The following ACTG2 variants were observed in gnomAD, a reference collection of about 807,000 sequenced individuals.
ACTG2 encodes actin gamma 2, smooth muscle, also known as actin, gamma-enteric smooth muscle.
ACTG2 carries 16 observed loss-of-function variants against 37.6 expected under a neutral mutation model. The observed-to-expected ratio is 0.43, with a 90% CI of 0.29 to 0.65. ACTG2 has a LOEUF of 0.65. Ranked by LOEUF, ACTG2 falls within the 30% of genes least tolerant of loss-of-function variation. ACTG2 has a pLI of 0.18. For missense variants in ACTG2, 238 were observed against 490.9 expected (o/e 0.48, Z 4.87); for synonymous variants, 181 against 179.9 (o/e 1.01, Z -0.05).
At chr2:73,895,782 A>G (rs1679733807) in intron 1 of ACTG2, among the ~76,000 whole-genome samples, 1 of 152,226 alleles carries the variant, frequency 6.6e-6, no homozygotes, top group African/African-American at 2.4e-5. Context: ...AGAGATTAAT[A>G]AGAATCATTA....
intron 3 of ACTG2, among the ~76,000 whole-genome samples, chr2:73,906,829 GT>G (rs1680027893): frequency 1.3e-5 from 2 of 152,200 alleles, no homozygotes; most frequent in South Asian, 4.2e-4. Flanking sequence ...AACTTTTAAG[GT>G]ATAAAAACTC....
At chr2:73,894,808 G>A (rs1486713629) in intron 1 of ACTG2, among the ~76,000 whole-genome samples, 2 of 151,958 alleles carry the variant, frequency 1.3e-5, no homozygotes, top group African/African-American at 4.8e-5. Flanking sequence ...TAGATAGCAA[G>A]GCAGGAATCA....
chr2:73,914,643 C>G, intron 6 of ACTG2, 37 bp from the exon 7 acceptor site: 1 of 1,469,574 alleles, frequency 6.8e-7, no homozygotes, highest in Non-Finnish European at 9.1e-7. Flanking sequence ...ACTATCAGAG[C>G]TCAGTATTCA....
chr2:73,895,262 G>A (rs1008260009), intron 1 of ACTG2, among the ~76,000 whole-genome samples: 1 of 152,144 alleles, frequency 6.6e-6, no homozygotes, highest in African/African-American at 2.4e-5. Context: ...GTCTGGACAG[G>A]AGCAGAGCCA....
chr2:73,894,717 G>T (rs1015827362), intron 1 of ACTG2, among the ~76,000 whole-genome samples: 12 of 66,350 alleles, frequency 1.8e-4, no homozygotes, highest in Middle Eastern at 7.2e-3. Flanking sequence ...GCTTGGTCCT[G>T]AAGTAAGGAC....
At chr2:73,905,858 A>G (rs973962416) in intron 3 of ACTG2, among the ~76,000 whole-genome samples, 3 of 152,136 alleles carry the variant, frequency 2.0e-5, no homozygotes, top group Non-Finnish European at 4.4e-5. Context: ...ACCAAAAATC[A>G]AAGACACCAT....
chr2:73,904,783 A>G (rs1298821783), intron 3 of ACTG2, among the ~76,000 whole-genome samples: 1,361 of 20,062 alleles, frequency 0.068, 14 homozygotes, highest in African/African-American at 0.17. Flanking sequence ...GTGTGTATAT[A>G]TATATATATA....
intron 4 of ACTG2, 28 bp from the exon 5 acceptor site, chr2:73,909,027 A>G: frequency 6.2e-7 from 1 of 1,606,904 alleles, no homozygotes; most frequent in Non-Finnish European, 8.5e-7. Context: ...TTTGCCAAAT[A>G]ATCTTTTATT....
Position 73,902,957 on chromosome 2 carries a change from G to A in ACTG2, c.255+469G>A, listed in dbSNP as rs1196890943. ...AAAATGCTGGTGCTGGCTCAAGAGA[G>A]GCAAACAGCCATCTCTCTCATTCTT... On this transcript the variant is annotated intron_variant, in intron 3 of 8. Coordinates refer to ENST00000345517, the MANE Select transcript of ACTG2 (RefSeq NM_001615.4). 1.9e-5 allele frequency: 11 copies of A among 583,790 alleles called. No homozygotes were observed. In the Admixed American group the frequency reaches 3.3e-4, roughly 17 times the overall value. The allele number at this position is 583,790 out of a possible 1,614,324, so 36.2% of individuals were successfully genotyped here. A position where few individuals can be genotyped will look rare whatever the true frequency, so the allele number is the denominator to read the frequency against.
intron 3 of ACTG2, among the ~76,000 whole-genome samples, chr2:73,904,777 G>GTGTATATATATATATATATATATATA (rs1427483105): frequency 2.3e-5 from 1 of 42,608 alleles, no homozygotes; most frequent in Non-Finnish European, 4.7e-5. Context: ...GTGTGTGTGT[G>GTGTATATATATATATATATATATATA]TATATATATA....
At chr2:73,911,898 C>T (rs1004515926) in intron 5 of ACTG2, among the ~76,000 whole-genome samples, 6 of 152,278 alleles carry the variant, frequency 3.9e-5, no homozygotes, top group Non-Finnish European at 5.9e-5. Context: ...TTTGTTTAAA[C>T]GTTCATTAAT....
At chr2:73,912,337 T>C (rs1461797647) in intron 5 of ACTG2, among the ~76,000 whole-genome samples, 1 of 152,204 alleles carries the variant, frequency 6.6e-6, no homozygotes, top group African/African-American at 2.4e-5. Flanking sequence ...TTTGTATTTT[T>C]AGTAGCAATG....
chr2:73,914,308 C>G (rs1476685907), intron 6 of ACTG2, among the ~76,000 whole-genome samples: 2 of 152,034 alleles, frequency 1.3e-5, no homozygotes, highest in Non-Finnish European at 2.9e-5. Context: ...GCCTGTAATC[C>G]CAGTACTTTG....
chr2:73,898,467 G>T (rs1362935141), intron 1 of ACTG2, among the ~76,000 whole-genome samples: 1 of 150,452 alleles, frequency 6.6e-6, no homozygotes, highest in African/African-American at 2.5e-5. Context: ...TATTGAGATT[G>T]TTCCTAATTT....
In ACTG2 at chr2:73,916,686, G is replaced by T; in HGVS notation, c.908G>T (p.Gly303Val). 1 of 1,614,086 alleles carries T rather than the reference G, an allele frequency of 6.2e-7. No homozygotes were observed. The highest frequency in any genetic ancestry group is 8.5e-7 in the Non-Finnish European group (1 of 1,180,024). ...DLYANNVLSG[G>V]TTMYPGIADR... is the part of the protein sequence containing the mutation. ...TATGCCAACAATGTCCTCTCTGGGG[G>T]CACCACCATGTACCCTGGCATTGCT... is the stretch of plus-strand genomic sequence containing the variant. Residue 303 changes from glycine (G) to valine (V), a missense_variant, in exon 8 of 9, where the codon GGC (glycine) becomes GTC (valine). Gly to Val is a moderately radical substitution (Grantham distance 109, BLOSUM62 -3). Transcript: ENST00000345517.
chr2:73,903,876 G>T (rs1481565214), intron 3 of ACTG2, among the ~76,000 whole-genome samples: 2 of 146,188 alleles, frequency 1.4e-5, no homozygotes, highest in Non-Finnish European at 3.0e-5. Context: ...GGAGGCAGAG[G>T]TTGCAGTGAG....
Position 73,901,442 on chromosome 2 carries a change from G to A in ACTG2, c.126+5G>A, listed in dbSNP as rs761722608. 15 of 1,613,876 alleles carry A rather than the reference G, an allele frequency of 9.3e-6. No homozygotes were observed. The highest frequency in any genetic ancestry group is 1.7e-4 in the Middle Eastern group (1 of 6,060). On this transcript the variant is annotated splice_donor_5th_base_variant and intron_variant, in intron 2 of 8. Coordinates refer to ENST00000345517, the MANE Select transcript of ACTG2 (RefSeq NM_001615.4). ...GTGGGCCGCCCTCGCCACCAGGTGCGTGCTCATCTGGATACCACCAGGCTT... is the reference window on the plus strand; with the variant it reads ...GTGGGCCGCCCTCGCCACCAGGTGCATGCTCATCTGGATACCACCAGGCTT...
At position 73,910,469 on chromosome 2, in the gene ACTG2, C is replaced by T. The variant is rs1404634047; in HGVS notation, c.451+1330C>T. 3.3e-5 allele frequency among the ~76,000 whole-genome samples: 4 copies of T among 119,994 alleles called. No individual in the cohort carries two copies. The South Asian group carries it at 9.2e-4, about 28-fold the overall frequency. The allele number at this position is 119,994 out of a possible 152,430, so 78.7% of individuals were successfully genotyped here. On this transcript the variant is annotated intron_variant, in intron 5 of 8. Coordinates refer to ENST00000345517, the MANE Select transcript of ACTG2 (RefSeq NM_001615.4). ...GCAACCTCTGTCTCCCACGTTCAAA[C>T]GATTCTCCTGCCTCAGCCTCCCATG...
chr2:73,903,888 C>T (rs113959659), intron 3 of ACTG2, among the ~76,000 whole-genome samples: 2,810 of 141,174 alleles, frequency 0.02, 91 homozygotes, highest in African/African-American at 0.069. Context: ...TGCAGTGAGC[C>T]GAGATTGTGC....
Sources: allele counts gnomAD v4.1 joint callset (sites outside exome capture counted in the v4.1 genomes callset), GRCh38; gene constraint gnomAD v4.1.1; transcripts MANE v1.5; gene names NCBI Gene and HGNC (gene_info 2026-07-23, HGNC 2026-07-21).